Variants in SMU1 observed in about 807,000 individuals in gnomAD.
SMU1 encodes SMU1 DNA replication regulator and spliceosomal factor, also known as WD40 repeat-containing protein SMU1.
Under a neutral mutation model 62.0 loss-of-function variants are expected in SMU1, and 2 were observed. The observed-to-expected ratio is 0.03, with a 90% CI of 0.01 to 0.10. The LOEUF (loss-of-function observed/expected upper bound fraction) is 0.10. SMU1 is among the 10% of genes least tolerant of loss of function. The probability of loss-of-function intolerance (pLI) is 1.00; values close to 1 mark genes in which losing one functional copy is unlikely to be tolerated. For missense variants in SMU1, 227 were observed against 622.1 expected (o/e 0.36, Z 6.76); for synonymous variants, 188 against 212.4 (o/e 0.89, Z 1.00).
chr9:33,071,912 C>T lies in SMU1; in HGVS notation c.238-20G>A. 1.3e-6 allele frequency: 2 copies of T among 1,492,836 alleles called. No individual in the cohort carries two copies. Among genetic ancestry groups the T allele is most frequent in the Non-Finnish European group, 1.8e-6 (2 of 1,124,618 alleles). 92.5% of individuals were successfully genotyped at this position (1,492,836 alleles called of 1,614,324 possible). ...AACAACCTGGACAATTAAAAAAAAA[C>T]AAAAAAAACCCCAGATGTTTCAACA... On this transcript the variant is annotated intron_variant, in intron 2 of 11. Coordinates refer to ENST00000397149, the MANE Select transcript of SMU1 (RefSeq NM_018225.3).
rs1206179332 is a variant in SMU1 at position 33,051,037 on chromosome 9, C to T, written c.1290+2086G>A. Among the ~76,000 whole-genome samples the T allele has an allele frequency of 5.7e-5, 6 of 105,000 alleles. 1 individual carries two copies. Among genetic ancestry groups the T allele is most frequent in the African/African-American group, 1.7e-4 (5 of 29,180 alleles). The allele number at this position is 105,000 out of a possible 152,430, so 68.9% of individuals were successfully genotyped here. A position where few individuals can be genotyped will look rare whatever the true frequency, so the allele number is the denominator to read the frequency against. On this transcript the variant is annotated intron_variant, in intron 10 of 11. Coordinates refer to ENST00000397149, the MANE Select transcript of SMU1 (RefSeq NM_018225.3). ...TCGGGAGGCTGAGGCAGGAGAATGGCGTGAACCCAGGAGGCGGAGCTTGCA... is the reference window on the plus strand; with the variant it reads ...TCGGGAGGCTGAGGCAGGAGAATGGTGTGAACCCAGGAGGCGGAGCTTGCA...
At chr9:33,060,763 C>A (rs1839353607) in intron 5 of SMU1, among the ~76,000 whole-genome samples, 179 bp from the exon 6 acceptor site, 1 of 152,198 alleles carries the variant, frequency 6.6e-6, no homozygotes, top group African/African-American at 2.4e-5. Context: ...GTATTTTTCT[C>A]TGACTTAGTT....
chr9:33,056,527 G>A lies in SMU1; in HGVS notation c.996-288C>T, dbSNP rs770412363. Among the ~76,000 whole-genome samples the A allele has an allele frequency of 3.2e-4, 48 of 152,172 alleles. 1 individual carries two copies. The highest frequency in any genetic ancestry group is 5.9e-4 in the Non-Finnish European group (40 of 68,014). ...AGGAGATTGAGATCAGTGGGTCTCA[G>A]CTGGGTCCTTTAGAGTATAACAGAC... On this transcript the variant is annotated intron_variant, in intron 8 of 11. Coordinates refer to ENST00000397149, the MANE Select transcript of SMU1 (RefSeq NM_018225.3).
intron 10 of SMU1, among the ~76,000 whole-genome samples, chr9:33,050,701 C>T (rs1839234378): frequency 6.6e-6 from 1 of 151,942 alleles, no homozygotes; most frequent in Non-Finnish European, 1.5e-5. Context: ...TGGGAGGCGC[C>T]TGTAATCCCA....
At chr9:33,074,642 A>G (rs1046734497) in intron 1 of SMU1, among the ~76,000 whole-genome samples, 13 of 152,174 alleles carry the variant, frequency 8.5e-5, no homozygotes, top group Non-Finnish European at 1.8e-4. Flanking sequence ...CTATGAGGTA[A>G]GTTTACTTTT....
chr9:33,042,864 C>G lies in SMU1; in HGVS notation c.*4429G>C, dbSNP rs1476596774. 3 of 152,368 alleles carry G rather than the reference C, an allele frequency of 2.0e-5. No homozygotes were observed. Among genetic ancestry groups the G allele is most frequent in the African/African-American group, 4.8e-5 (2 of 41,462 alleles). 9.4% of individuals were successfully genotyped at this position (152,368 alleles called of 1,614,324 possible). On this transcript the variant is annotated 3_prime_UTR_variant, in exon 12 of 12. Coordinates refer to ENST00000397149, the MANE Select transcript of SMU1 (RefSeq NM_018225.3). ...TTGTTTTTTGTTTTTGAGACCAAGT[C>G]TTGCTCTGTCACCCAGGCTGGAGTG...
intron 10 of SMU1, among the ~76,000 whole-genome samples, chr9:33,051,112 C>G (rs1839242829): frequency 1.5e-5 from 1 of 65,932 alleles, no homozygotes; most frequent in Admixed American, 1.5e-4. Flanking sequence ...CAGAGCGAGA[C>G]TCTGTCTCAA....
intron 9 of SMU1, among the ~76,000 whole-genome samples, chr9:33,054,594 C>CT (rs1007685562): frequency 2.6e-5 from 4 of 152,174 alleles, no homozygotes; most frequent in African/African-American, 9.7e-5. Flanking sequence ...GCACAGAAAT[C>CT]TGAGATGTGC....
chr9:33,070,420 G>C (rs970364710), intron 3 of SMU1, among the ~76,000 whole-genome samples: 2 of 152,140 alleles, frequency 1.3e-5, no homozygotes, highest in African/African-American at 4.8e-5. Context: ...AGGAACCCTC[G>C]TACACTATTA....
rs747509692 is a variant in SMU1, at chr9:33,068,923, A to G, written c.402T>C (p.Asp134=). 7 of 1,613,988 alleles carry G rather than the reference A, an allele frequency of 4.3e-6. No homozygotes were observed. Among genetic ancestry groups the G allele is most frequent in the Non-Finnish European group, 5.9e-6 (7 of 1,180,024 alleles). The change falls in exon 4 of 12, where the codon GAT becomes GAC. Residue 134 remains aspartate (D), a synonymous_variant. Coordinates refer to ENST00000397149, the MANE Select transcript of SMU1 (RefSeq NM_018225.3). ...SYFDPREAYP[D]GSSKEKRRAA... ...CTCTTCTCTTTTCTTTGCTACTTCC[A>G]TCTGGGTATGCCTGAAAAAGGAGAG...
intron 4 of SMU1, 121 bp from the exon 5 acceptor site, chr9:33,062,298 C>T: frequency 7.5e-7 from 1 of 1,325,290 alleles, no homozygotes; most frequent in South Asian, 1.6e-5. Context: ...ATCTAAACCC[C>T]AACTATTTTT....
In SMU1 at chr9:33,046,490, TC is replaced by T. The variant is rs1170177834; in HGVS notation, c.*802del. On this transcript the variant is annotated 3_prime_UTR_variant, in exon 12 of 12. Transcript: ENST00000397149. Reference sequence around the variant, plus strand: ...TCAGGGATAATAATGTGACTCCTCCTCCCACATTCTAAGTAAATATGTTAAC... The same window carrying T: ...TCAGGGATAATAATGTGACTCCTCCTCCACATTCTAAGTAAATATGTTAAC... 1 of 151,186 alleles carries T rather than the reference TC, an allele frequency of 6.6e-6. No individual in the cohort carries two copies. Among genetic ancestry groups the T allele is most frequent in the African/African-American group, 2.4e-5 (1 of 41,022 alleles). The allele number at this position is 151,186 out of a possible 1,614,324, so 9.4% of individuals were successfully genotyped here.
intron 7 of SMU1, 51 bp from the exon 8 acceptor site, chr9:33,057,015 CTAT>C (rs1284955684): frequency 1.9e-6 from 3 of 1,571,826 alleles, no homozygotes; most frequent in Non-Finnish European, 2.6e-6. Flanking sequence ...AAGTGTCCTA[CTAT>C]TAATAGCCCA....
In SMU1 at chr9:33,056,974, A is replaced by G. The variant is rs1587708357; in HGVS notation, c.868-10T>C. On this transcript the variant is annotated splice_polypyrimidine_tract_variant and intron_variant, in intron 7 of 11. Coordinates refer to ENST00000397149, the MANE Select transcript of SMU1 (RefSeq NM_018225.3). ...TCTGAATCTTCCACACCTTTATTTG[A>G]AAAAAAAAAAAGAATTAAAAAAACC... The G allele has an allele frequency of 6.3e-6, 2 of 319,608 alleles. No homozygotes were observed. The highest frequency in any genetic ancestry group is 8.9e-6 in the Non-Finnish European group (2 of 225,924). 19.8% of individuals were successfully genotyped at this position (319,608 alleles called of 1,614,324 possible).
At chr9:33,061,568 T>C (rs1368739422) in intron 5 of SMU1, among the ~76,000 whole-genome samples, 1 of 151,992 alleles carries the variant, frequency 6.6e-6, no homozygotes. Context: ...AACTCTCAGA[T>C]TTAAAAAAAT....
chr9:33,063,991 T>C (rs1839391933), intron 4 of SMU1, among the ~76,000 whole-genome samples: 1 of 152,234 alleles, frequency 6.6e-6, no homozygotes, highest in Non-Finnish European at 1.5e-5. Flanking sequence ...TAACTGTTTA[T>C]TCATGTTATT....
chr9:33,062,754 A>G lies in SMU1; in HGVS notation c.502-577T>C, dbSNP rs201348135. 5.3e-5 allele frequency among the ~76,000 whole-genome samples: 8 copies of G among 152,296 alleles called. No individual in the cohort carries two copies. In the East Asian group the frequency reaches 5.8e-4, roughly 11 times the overall value. On this transcript the variant is annotated intron_variant, in intron 4 of 11. Coordinates refer to ENST00000397149, the MANE Select transcript of SMU1 (RefSeq NM_018225.3). ...TTTCAATCACCTAAATAATGCTGCA[A>G]TGAACATCTTTGGACATAAAGCTTT...
rs528878088 is a variant in SMU1 at position 33,042,487 on chromosome 9, A to G, written c.*4806T>C. The G allele has an allele frequency of 5.9e-5, 9 of 152,444 alleles. No individual in the cohort carries two copies. In the South Asian group the frequency reaches 1.7e-3, roughly 28 times the overall value. 9.4% of individuals were successfully genotyped at this position (152,444 alleles called of 1,614,324 possible). A position where few individuals can be genotyped will look rare whatever the true frequency, so the allele number is the denominator to read the frequency against. On this transcript the variant is annotated 3_prime_UTR_variant, in exon 12 of 12. Coordinates refer to ENST00000397149, the MANE Select transcript of SMU1 (RefSeq NM_018225.3). ...CCCATTCATACTTGTAGGGAATAGG[A>G]GTAGAGGCCAATTATGTCGCTTGAG...
At chr9:33,066,578 T>C (rs914286517) in intron 4 of SMU1, among the ~76,000 whole-genome samples, 1 of 140,540 alleles carries the variant, frequency 7.1e-6, no homozygotes. Flanking sequence ...GAGGCCGAGG[T>C]GGGCAGATCA....
Sources: gnomAD v4.1 joint callset for allele counts (sites outside exome capture counted in the v4.1 genomes callset) on GRCh38, gnomAD v4.1.1 for gene constraint, MANE v1.5 for transcripts, NCBI Gene and HGNC (gene_info 2026-07-23, HGNC 2026-07-21) for gene names.